Variants in LAMB4 observed in about 807,000 individuals in gnomAD.
The protein encoded by LAMB4 is laminin subunit beta 4.
A neutral mutation model predicts 199.2 loss-of-function variants in LAMB4; 196 were observed. The observed-to-expected ratio is 0.98, with a 90% confidence interval of 0.88 to 1.11. LAMB4 has a LOEUF of 1.11. Among genes scored for constraint, LAMB4 ranks in the 50% least tolerant of loss-of-function variants. The pLI, the probability that LAMB4 is intolerant of heterozygous loss-of-function variation, is 0.00. For missense variants in LAMB4, 2,080 were observed against 2,171.2 expected (o/e 0.96, Z 0.83); for synonymous variants, 744 against 770.6 (o/e 0.97, Z 0.57).
At chr7:108,017,375 G>C in the LAMB4 span, among the ~76,000 whole-genome samples, 2 of 152,102 alleles carry the variant, frequency 1.3e-5, no homozygotes, top group Non-Finnish European at 2.9e-5. Flanking sequence ...AAAATAAATT[G>C]CTTTTTTTCT....
At chr7:108,113,825 G>A (rs945741273) in intron 3 of LAMB4, among the ~76,000 whole-genome samples, 1 of 152,162 alleles carries the variant, frequency 6.6e-6, no homozygotes, top group African/African-American at 2.4e-5. Context: ...TTGCTTGGTA[G>A]CTCTTTCTTA....
Position 108,123,198 on chromosome 7 carries a change from C to A in LAMB4, c.-33-1G>T. 6.3e-7 allele frequency: 1 copy of A among 1,581,970 alleles called. No homozygotes were observed. The highest frequency in any genetic ancestry group is 1.1e-5 in the South Asian group (1 of 86,970). On this transcript the variant is annotated splice_acceptor_variant, in intron 1 of 33. Coordinates refer to ENST00000388781, the MANE Select transcript of LAMB4 (RefSeq NM_007356.3). LOFTEE classifies it low-confidence loss of function (5UTR_SPLICE). ...CAGGAGATGATTAAATTCAATTCTA[C>A]TGGGTTAAAAAAAGGTTAAAGTCAA...
chr7:108,095,260 A>G lies in LAMB4; in HGVS notation c.1438T>C (p.Tyr480His), dbSNP rs1294584100. 3 of 1,613,856 alleles carry G rather than the reference A, an allele frequency of 1.9e-6. No individual in the cohort carries two copies. The highest frequency in any genetic ancestry group is 2.2e-5 in the South Asian group (2 of 91,080). ...TCTTCGCAGTGTGCTCCGGTGACATATGACAGGCACAAGCATTGGCCTGTA... is the reference window on the plus strand; with the variant it reads ...TCTTCGCAGTGTGCTCCGGTGACATGTGACAGGCACAAGCATTGGCCTGTA... ...VDTGQCLCLS[Y>H]VTGAHCEECT... is the part of the protein sequence containing the mutation. Residue 480 changes from tyrosine (Y) to histidine (H), a missense_variant, in exon 12 of 34, where the codon TAT (tyrosine) becomes CAT (histidine). Tyr to His is a moderately conservative substitution (Grantham distance 83, BLOSUM62 2). Transcript: ENST00000388781.
At chr7:108,078,585 T>G (rs1400925053) in intron 15 of LAMB4, among the ~76,000 whole-genome samples, 1 of 152,166 alleles carries the variant, frequency 6.6e-6, no homozygotes, top group Non-Finnish European at 1.5e-5. Context: ...AGCCTAATCC[T>G]CAACCCCCAT....
At chr7:108,105,739 G>C (rs989139869) in intron 8 of LAMB4, 78 bp downstream of exon 8, 5 of 1,198,164 alleles carry the variant, frequency 4.2e-6, no homozygotes, top group African/African-American at 3.0e-5. Flanking sequence ...TCCATGTGGA[G>C]TGTCTCATCT....
At chr7:108,081,704 A>G (rs378641) in intron 14 of LAMB4, among the ~76,000 whole-genome samples, 61,890 of 151,992 alleles carry the variant, frequency 0.41, 12,925 homozygotes, top group East Asian at 0.58. Context: ...GCATGATGTA[A>G]TGATACAATT....
intron 31 of LAMB4, 37 bp from the exon 32 acceptor site, chr7:108,031,016 T>C (rs1189399174): frequency 1.9e-6 from 3 of 1,582,580 alleles, no homozygotes; most frequent in Middle Eastern, 3.4e-4. Flanking sequence ...GGAAAATCTC[T>C]TTATGAAACA....
chr7:108,061,514 G>A (rs762732864), intron 23 of LAMB4, among the ~76,000 whole-genome samples: 8 of 152,012 alleles, frequency 5.3e-5, no homozygotes, highest in Non-Finnish European at 7.4e-5. Context: ...TGAGGTGGGC[G>A]GATCACTTGA....
At chr7:108,084,302 C>G (rs424978) in intron 14 of LAMB4, among the ~76,000 whole-genome samples, 61,632 of 151,938 alleles carry the variant, frequency 0.41, 12,837 homozygotes, top group East Asian at 0.58. Flanking sequence ...TCCTGGAGAA[C>G]CTGTGCCTGC....
At position 108,123,127 on chromosome 7, in the gene LAMB4, T is replaced by G; in HGVS notation, c.34+4A>C. On this transcript the variant is annotated splice_donor_region_variant and intron_variant, in intron 2 of 33. Coordinates refer to ENST00000388781, the MANE Select transcript of LAMB4 (RefSeq NM_007356.3). ...GTAAATAGATTTTGACAACAAATAC[T>G]CACCAAGGTGCAAAAAAAGGGTCAG... 1.2e-6 allele frequency: 2 copies of G among 1,607,550 alleles called. No homozygotes were observed. Among genetic ancestry groups the G allele is most frequent in the Non-Finnish European group, 1.7e-6 (2 of 1,178,066 alleles).
At chr7:108,096,611 T>C (rs929932182) in intron 11 of LAMB4, among the ~76,000 whole-genome samples, 1 of 151,904 alleles carries the variant, frequency 6.6e-6, no homozygotes, top group Non-Finnish European at 1.5e-5. Context: ...ACAGGGTGAA[T>C]TGTATGGTAT....
chr7:108,035,525 G>C (rs1469247593), intron 30 of LAMB4, among the ~76,000 whole-genome samples: 2 of 112,056 alleles, frequency 1.8e-5, no homozygotes, highest in Non-Finnish European at 3.3e-5. Flanking sequence ...CTGGATGACA[G>C]AATGAGACCC....
intron 29 of LAMB4, among the ~76,000 whole-genome samples, chr7:108,042,992 G>A (rs773452271): frequency 7.8e-6 from 1 of 128,450 alleles, no homozygotes; most frequent in Non-Finnish European, 1.6e-5. Context: ...TGTACAGAGA[G>A]TAAGGTTTCA....
intron 33 of LAMB4, among the ~76,000 whole-genome samples, chr7:108,027,644 C>G (rs562523577): frequency 6.6e-6 from 1 of 152,052 alleles, no homozygotes; most frequent in African/African-American, 2.4e-5. Flanking sequence ...TAAATACAAC[C>G]AAGGGTAAAA....
chr7:108,076,827 T>A (rs765242176), intron 17 of LAMB4, 117 bp downstream of exon 17: 18 of 1,195,218 alleles, frequency 1.5e-5, no homozygotes, highest in Non-Finnish European at 2.1e-5. Flanking sequence ...TAGGTGGCTT[T>A]TATAATTGAG....
rs763982883 is a variant in LAMB4, at chr7:108,043,898, T to C, written c.4327-2A>G. 1.3e-6 allele frequency: 2 copies of C among 1,595,572 alleles called. No homozygotes were observed. Among genetic ancestry groups the C allele is most frequent in the Non-Finnish European group, 1.7e-6 (2 of 1,174,360 alleles). ...TGCCTGTTCACTTATACTTTCGATCTGGAATGAGAAAAACACAATGAAGAA... is the reference window on the plus strand; with the variant it reads ...TGCCTGTTCACTTATACTTTCGATCCGGAATGAGAAAAACACAATGAAGAA... On this transcript the variant is annotated splice_acceptor_variant, in intron 28 of 33. Coordinates refer to ENST00000388781, the MANE Select transcript of LAMB4 (RefSeq NM_007356.3). LOFTEE classifies it high-confidence loss of function.
Position 108,122,274 on chromosome 7 carries a change from C to A in LAMB4, c.34+857G>T, listed in dbSNP as rs566613799. Among the ~76,000 whole-genome samples the A allele has an allele frequency of 2.6e-4, 40 of 152,282 alleles. 1 individual carries two copies. The highest frequency in any genetic ancestry group is 9.6e-4 in the African/African-American group (40 of 41,556). ...TTAGTTTCAAAGAGAACATGTAAGG[C>A]AGGTGCAGGTTAAAATAACTGTTTT... On this transcript the variant is annotated intron_variant, in intron 2 of 33. Coordinates refer to ENST00000388781, the MANE Select transcript of LAMB4 (RefSeq NM_007356.3).
intron 28 of LAMB4, among the ~76,000 whole-genome samples, chr7:108,047,107 T>C (rs1040421415): frequency 2.6e-5 from 4 of 152,122 alleles, no homozygotes; most frequent in Non-Finnish European, 5.9e-5. Flanking sequence ...GACATTTCTA[T>C]GTAGGTTTTG....
rs892349200 is a variant in LAMB4, at chr7:108,069,734, G to A, written c.2276C>T (p.Ser759Phe). 1.2e-6 allele frequency: 2 copies of A among 1,613,750 alleles called. No individual in the cohort carries two copies. Among genetic ancestry groups the A allele is most frequent in the African/African-American group, 2.7e-5 (2 of 74,918 alleles). Residue 759 changes from serine to phenylalanine, a missense_variant, in exon 18 of 34, where the codon TCT (serine) becomes TTT (phenylalanine). Ser to Phe is a radical substitution (Grantham distance 155, BLOSUM62 -2). Coordinates refer to ENST00000388781, the MANE Select transcript of LAMB4 (RefSeq NM_007356.3). ...GACERLIISMSAKLHDGAVAC... is the reference protein window; with the variant it reads ...GACERLIISMFAKLHDGAVAC... ...CACAGCCCCATCATGCAGCTTGGCA[G>A]ACATGCTGATGATCAGCCTTTCACA...
Sources: gnomAD v4.1 joint callset for allele counts (sites outside exome capture counted in the v4.1 genomes callset) on GRCh38, gnomAD v4.1.1 for gene constraint, MANE v1.5 for transcripts, NCBI Gene and HGNC (gene_info 2026-07-23, HGNC 2026-07-21) for gene names.